The following KIF24 variants were observed in gnomAD, a reference collection of about 807,000 sequenced individuals.
KIF24 encodes the protein kinesin-like protein KIF24.
KIF24 carries 81 observed loss-of-function variants against 118.9 expected under a neutral mutation model. The observed-to-expected ratio is 0.68, with a 90% CI of 0.57 to 0.82. The LOEUF (loss-of-function observed/expected upper bound fraction) is 0.82, where lower values mean the gene tolerates loss of function less well. KIF24 is among the 40% of genes least tolerant of loss of function. KIF24 has a pLI of 0.00. For synonymous variants in KIF24, 599 were observed against 610.0 expected, an observed-to-expected ratio of 0.98 and a Z score of 0.27; for missense variants, 1,560 against 1,661.6, an observed-to-expected ratio of 0.94 and a Z score of 1.06.
At chr9:34,258,624 G>A (rs1331288118) in intron 10 of KIF24, among the ~76,000 whole-genome samples, 1 of 152,176 alleles carries the variant, frequency 6.6e-6, no homozygotes, top group Non-Finnish European at 1.5e-5. Flanking sequence ...GTTTATGCAG[G>A]GCCCACACTG....
rs777318891 is a variant in KIF24 at position 34,257,922 on chromosome 9, G to A, written c.1685C>T (p.Thr562Ile). The A allele has an allele frequency of 3.1e-6, 5 of 1,613,874 alleles. No individual in the cohort carries two copies. Among genetic ancestry groups the A allele is most frequent in the African/African-American group, 2.7e-5 (2 of 75,044 alleles). The stretch of plus-strand genomic sequence containing the variant: ...TCGTTTTGGAGAGGAGTTTCCAGAT[G>A]TCCGATTTCGACTGGTAACTGAAGT... ...CCTSVTSRNR[T>I]SGNSSPKRIQ... is the part of the protein sequence containing the mutation. The change falls in exon 11 of 13, where the codon ACA (threonine) becomes ATA (isoleucine). Residue 562 changes from threonine (T) to isoleucine (I), a missense_variant. Around this residue, in one of 3 missense-constraint regions of KIF24, gnomAD observed 964 missense variants for 988.0 expected, o/e 0.98. Coordinates refer to ENST00000402558, the MANE Select transcript of KIF24 (RefSeq NM_194313.4).
intron 6 of KIF24, among the ~76,000 whole-genome samples, chr9:34,279,624 A>G (rs752754803): frequency 6.6e-6 from 1 of 152,244 alleles, no homozygotes; most frequent in Non-Finnish European, 1.5e-5. Context: ...CATTTGAATA[A>G]TGAAGCTACC....
chr9:34,330,878 A>G (rs1327428298), upstream of KIF24, among the ~76,000 whole-genome samples: 4 of 152,038 alleles, frequency 2.6e-5, no homozygotes, highest in African/African-American at 9.7e-5. Flanking sequence ...GGAGAATGGC[A>G]CGAACCCGGG....
chr9:34,303,622 G>A (rs1322045004), intron 3 of KIF24, among the ~76,000 whole-genome samples: 1 of 152,184 alleles, frequency 6.6e-6, no homozygotes, highest in Non-Finnish European at 1.5e-5. Flanking sequence ...GGCTAAGGCA[G>A]GTGGATTGCT....
chr9:34,290,473 T>C (rs991697329), intron 4 of KIF24, 84 bp from the exon 5 acceptor site: 3 of 806,118 alleles, frequency 3.7e-6, no homozygotes, highest in East Asian at 5.3e-5. Context: ...AAAGGTCAAA[T>C]GTAAACATAG....
At chr9:34,260,075 C>G (rs1834999574) in intron 9 of KIF24, among the ~76,000 whole-genome samples, 1 of 152,118 alleles carries the variant, frequency 6.6e-6, no homozygotes, top group Non-Finnish European at 1.5e-5. Flanking sequence ...TAAAAAGAAG[C>G]CAGGTACAGT....
rs1237254191 is a variant in KIF24, at chr9:34,305,028, C to T, written c.813+1224G>A. 1.3e-5 allele frequency among the ~76,000 whole-genome samples: 2 copies of T among 152,090 alleles called. 1 individual carries two copies. The highest frequency in any genetic ancestry group is 2.9e-5 in the Non-Finnish European group (2 of 68,026). ...ACTGTGTACTCTCAAATCTTAACAT[C>T]CAATGGATTATCTGGTTTTAGATTA... is the stretch of plus-strand genomic sequence containing the variant. On this transcript the variant is annotated intron_variant, in intron 3 of 12. Transcript: ENST00000402558.
At chr9:34,286,828 G>A in intron 5 of KIF24, 124 bp from the exon 6 acceptor site, 1 of 679,900 alleles carries the variant, frequency 1.5e-6, no homozygotes, top group Non-Finnish European at 2.6e-6. Context: ...TGGGATGGAT[G>A]CTTATCCTCC....
intron 1 of KIF24, among the ~76,000 whole-genome samples, chr9:34,317,174 C>T (rs1012289936): frequency 1.3e-5 from 2 of 151,206 alleles, no homozygotes; most frequent in African/African-American, 4.9e-5. Context: ...GCTGAGATCG[C>T]GCCATTGCAC....
At chr9:34,254,714 G>T (rs940360841) in intron 12 of KIF24, among the ~76,000 whole-genome samples, 194 bp from the exon 13 acceptor site, 1 of 152,116 alleles carries the variant, frequency 6.6e-6, no homozygotes. Context: ...CCAAGCAGAG[G>T]AGTATTTTGT....
Position 34,256,327 on chromosome 9 carries a change from C to T in KIF24, c.3280G>A (p.Val1094Met), listed in dbSNP as rs1197021577. Residue 1094 changes from valine to methionine, a missense_variant, in exon 11 of 13, where the codon GTG becomes ATG. Val to Met is a conservative substitution (Grantham distance 21). Coordinates refer to ENST00000402558, the MANE Select transcript of KIF24 (RefSeq NM_194313.4). ...GCTGCCTCTTGATCACCAGATGGCA[C>T]TGTGTGGCTCACAACTGGGCCCCCT... ...STGGPVVSHT[V>M]PSGDQEAALP... 6.2e-7 allele frequency: 1 copy of T among 1,613,412 alleles called. No individual in the cohort carries two copies. The highest frequency in any genetic ancestry group is 1.3e-5 in the African/African-American group (1 of 74,924).
chr9:34,295,963 T>C (rs1413186610), intron 4 of KIF24, among the ~76,000 whole-genome samples: 4 of 151,788 alleles, frequency 2.6e-5, no homozygotes, highest in Non-Finnish European at 4.4e-5. Context: ...CTCACACCTG[T>C]AATCCCAGCA....
intron 1 of KIF24, among the ~76,000 whole-genome samples, chr9:34,322,872 GA>G (rs1587977820): frequency 6.6e-6 from 1 of 152,114 alleles, no homozygotes; most frequent in East Asian, 1.9e-4. Context: ...ACAAATTAAA[GA>G]AACTGATACA....
At chr9:34,329,958 C>T (rs1352759782), upstream of KIF24, among the ~76,000 whole-genome samples, 1 of 152,234 alleles carries the variant, frequency 6.6e-6, no homozygotes, top group African/African-American at 2.4e-5. Context: ...CTTGTTGCTA[C>T]CCATTAAACC....
chr9:34,263,232 G>T, intron 8 of KIF24, 60 bp from the exon 9 acceptor site: 1 of 1,201,158 alleles, frequency 8.3e-7, no homozygotes, highest in Non-Finnish European at 1.2e-6. Flanking sequence ...TAACAGACCT[G>T]ATGCCGCCTC....
At chr9:34,294,019 G>A (rs147748306) in intron 4 of KIF24, among the ~76,000 whole-genome samples, 1 of 152,182 alleles carries the variant, frequency 6.6e-6, no homozygotes, top group African/African-American at 2.4e-5. Context: ...GCCCAGGCTG[G>A]AGTGTAGTGA....
intron 1 of KIF24, among the ~76,000 whole-genome samples, chr9:34,316,826 C>T (rs963602331): frequency 2.6e-5 from 4 of 152,120 alleles, no homozygotes; most frequent in Non-Finnish European, 5.9e-5. Context: ...AATCCCAGCA[C>T]TTTGGGAGGC....
At position 34,322,659 on chromosome 9, in the gene KIF24, G is replaced by A. The variant is rs532610608; in HGVS notation, c.-26+6447C>T. ...CCTTAAGCCCAGGAGTTTGAGACCA[G>A]CCTGGACGACATGGTGAAACTCCAT... On this transcript the variant is annotated intron_variant, in intron 1 of 12. Transcript: ENST00000402558. Among the ~76,000 whole-genome samples the A allele has an allele frequency of 3.2e-3, 483 of 152,166 alleles. 2 individuals carry two copies. Among genetic ancestry groups the A allele is most frequent in the African/African-American group, 0.011 (461 of 41,526 alleles).
chr9:34,329,292 G>A (rs1837801298), upstream of KIF24, among the ~76,000 whole-genome samples: 1 of 152,230 alleles, frequency 6.6e-6, no homozygotes, highest in African/African-American at 2.4e-5. Context: ...CCCGCGCGTC[G>A]CCAGTCCCGC....
Sources: gnomAD v4.1 joint callset for allele counts (sites outside exome capture counted in the v4.1 genomes callset) on GRCh38, gnomAD v4.1.1 for gene constraint, gnomAD v4.1.1 regional missense constraint, MANE v1.5 for transcripts, NCBI Gene and HGNC (gene_info 2026-07-23, HGNC 2026-07-21) for gene names.